The following MANBA variants were observed in gnomAD, a reference collection of about 807,000 sequenced individuals.
The protein encoded by MANBA is beta-mannosidase.
In MANBA, 83 loss-of-function variants were observed where a neutral mutation model predicts 111.1. That is an observed-to-expected ratio of 0.75 (90% CI 0.63 to 0.90). MANBA has a LOEUF of 0.90. Ranked by LOEUF, MANBA falls within the 40% of genes least tolerant of loss-of-function variation. MANBA has a pLI of 0.00. For missense variants in MANBA, 1,036 were observed against 1,069.0 expected, an observed-to-expected ratio of 0.97 and a Z score of 0.43; for synonymous variants, 370 against 378.7, an observed-to-expected ratio of 0.98 and a Z score of 0.27.
In MANBA at chr4:102,723,011, C is replaced by T. The variant is rs763126091; in HGVS notation, c.409G>A (p.Val137Met). ...TGGAAACGCAGCTCAATGGAGTTCA[C>T]GTCCCTGACCACGTTGGTAATATCA... ...SFDITNVVRD[V>M]NSIELRFQSA... The change falls in exon 4 of 17, where the codon GTG becomes ATG. Residue 137 changes from valine (V) to methionine (M), a missense_variant. Transcript: ENST00000647097. The T allele has an allele frequency of 9.3e-6, 15 of 1,613,938 alleles. No homozygotes were observed. The highest frequency in any genetic ancestry group is 1.3e-5 in the Non-Finnish European group (15 of 1,179,968).
chr4:102,727,874 T>C, intron 1 of MANBA: 1 of 560,604 alleles, frequency 1.8e-6, no homozygotes, highest in South Asian at 1.7e-5. Flanking sequence ...AAAAGCCCCT[T>C]GTGAAGGGGC....
chr4:102,707,313 A>G (rs928739433), intron 5 of MANBA, among the ~76,000 whole-genome samples: 39 of 152,212 alleles, frequency 2.6e-4, no homozygotes, highest in African/African-American at 8.9e-4. Flanking sequence ...GCTCCCAGCC[A>G]AGGATGCCAT....
intron 1 of MANBA, chr4:102,728,799 C>T (rs1330322360): frequency 4.3e-6 from 4 of 925,252 alleles, no homozygotes; most frequent in East Asian, 2.6e-5. Flanking sequence ...TCATGGGTCT[C>T]GATCTTCTTC....
At chr4:102,707,885 T>G (rs1218159106) in intron 5 of MANBA, among the ~76,000 whole-genome samples, 1 of 151,898 alleles carries the variant, frequency 6.6e-6, no homozygotes, top group Non-Finnish European at 1.5e-5. Flanking sequence ...AAAACAAAGT[T>G]TAAGTCAAAA....
intron 5 of MANBA, among the ~76,000 whole-genome samples, chr4:102,694,421 C>T (rs1034395794): frequency 6.6e-6 from 1 of 152,138 alleles, no homozygotes; most frequent in African/African-American, 2.4e-5. Context: ...TCTTTGGTCA[C>T]TCCTTTTCAC....
intron 11 of MANBA, among the ~76,000 whole-genome samples, chr4:102,664,253 G>C (rs1452449955): frequency 1.3e-5 from 2 of 152,072 alleles, no homozygotes; most frequent in African/African-American, 4.8e-5. Flanking sequence ...ACTACAATGG[G>C]ATACCCTGTA....
chr4:102,695,644 C>G (rs1732672666), intron 5 of MANBA, among the ~76,000 whole-genome samples: 1 of 152,162 alleles, frequency 6.6e-6, no homozygotes. Flanking sequence ...GCCCTGACTG[C>G]AGCACTTCCC....
intron 10 of MANBA, chr4:102,667,706 G>A (rs182982804): frequency 4.6e-4 from 70 of 152,258 alleles, no homozygotes; most frequent in Admixed American, 9.8e-4. Flanking sequence ...CACCATTCAA[G>A]AAGAAATATC....
At position 102,752,623 on chromosome 4, in the gene MANBA, T is replaced by C. The variant is rs916839696; in HGVS notation, c.177+8095A>G. ...ATTCCTACAGATATTCACCTACCAC[T>C]TTCCATGTGGGGGCATGAAAGTGAA... On this transcript the variant is annotated intron_variant, in intron 1 of 16. Transcript: ENST00000647097. 6.7e-6 allele frequency: 4 copies of C among 594,892 alleles called. No individual in the cohort carries two copies. The African/African-American group carries it at 7.4e-5, about 11-fold the overall frequency. The allele number at this position is 594,892 out of a possible 1,614,324, so 36.9% of individuals were successfully genotyped here.
intron 13 of MANBA, among the ~76,000 whole-genome samples, chr4:102,645,314 G>A (rs1730055513): frequency 1.3e-5 from 2 of 152,032 alleles, no homozygotes; most frequent in Admixed American, 1.3e-4. Flanking sequence ...ATATGAGTCT[G>A]TAGGTTGCTT....
intron 5 of MANBA, among the ~76,000 whole-genome samples, chr4:102,698,756 G>C (rs1480152091): frequency 2.0e-5 from 3 of 151,566 alleles, no homozygotes; most frequent in Non-Finnish European, 4.4e-5. Context: ...TTTGGTTACT[G>C]TAGCCTTGTA....
Position 102,698,615 on chromosome 4 carries a change from T to A in MANBA, c.674-7844A>T, listed in dbSNP as rs553056174. On this transcript the variant is annotated intron_variant, in intron 5 of 16. Coordinates refer to ENST00000647097, the MANE Select transcript of MANBA (RefSeq NM_005908.4). ...CCAGCACCATTTATTGAATAGGGAA[T>A]CCTTTCCCCATTGCTTGTTTTTCTC... is the stretch of plus-strand genomic sequence containing the variant. Among the ~76,000 whole-genome samples the A allele has an allele frequency of 4.2e-3, 641 of 151,398 alleles. 14 individuals are homozygous for A. The highest frequency in any genetic ancestry group is 0.015 in the African/African-American group (615 of 40,896).
At chr4:102,671,529 A>T (rs886782496) in intron 8 of MANBA, 131 bp from the exon 9 acceptor site, 19 of 674,618 alleles carry the variant, frequency 2.8e-5, no homozygotes, top group Non-Finnish European at 4.3e-5. Flanking sequence ...TGTAAATTAA[A>T]GAAAGTAAGA....
chr4:102,676,583 A>G (rs1009929034), intron 7 of MANBA, among the ~76,000 whole-genome samples: 13 of 152,140 alleles, frequency 8.5e-5, no homozygotes, highest in African/African-American at 2.4e-4. Context: ...CTGATATCTC[A>G]TCTGAAATAA....
chr4:102,732,473 C>CA (rs1723066023), intron 1 of MANBA, among the ~76,000 whole-genome samples: 1 of 152,156 alleles, frequency 6.6e-6, no homozygotes, highest in Non-Finnish European at 1.5e-5. Flanking sequence ...TGGCAATGGC[C>CA]AGTTAGGCAG....
chr4:102,635,030 A>G lies in MANBA; in HGVS notation c.2173T>C (p.Trp725Arg). 5.0e-6 allele frequency: 8 copies of G among 1,614,160 alleles called. No individual in the cohort carries two copies. Among genetic ancestry groups the G allele is most frequent in the Non-Finnish European group, 6.8e-6 (8 of 1,179,978 alleles). ...SMTLSVRVHT[W>R]SSLEPVCSRV... ...GAGCACACGGGCTCCAGGGAGCTCC[A>G]TGTATGGACTCTCACCTGGGGAGAA... Residue 725 changes from tryptophan to arginine, a missense_variant, in exon 16 of 17, where the codon TGG becomes CGG. By Grantham distance (101) the Trp-to-Arg change is moderately radical. Coordinates refer to ENST00000647097, the MANE Select transcript of MANBA (RefSeq NM_005908.4).
At chr4:102,715,674 G>T (rs768656375) in intron 4 of MANBA, among the ~76,000 whole-genome samples, 2 of 152,114 alleles carry the variant, frequency 1.3e-5, no homozygotes, top group Non-Finnish European at 2.9e-5. Context: ...AGGCCCCAGG[G>T]TGTGTTGTTC....
chr4:102,638,913 T>C (rs1729747731), intron 14 of MANBA, among the ~76,000 whole-genome samples: 1 of 152,122 alleles, frequency 6.6e-6, no homozygotes, highest in Non-Finnish European at 1.5e-5. Context: ...CAAGACTCTG[T>C]CTCAAAAAAA....
intron 14 of MANBA, 115 bp downstream of exon 14, chr4:102,639,598 T>A: frequency 1.4e-6 from 2 of 1,395,822 alleles, no homozygotes; most frequent in South Asian, 1.2e-5. Context: ...AGAATGACTC[T>A]TTTGGTCATA....
Sources: allele counts gnomAD v4.1 joint callset (sites outside exome capture counted in the v4.1 genomes callset), GRCh38; gene constraint gnomAD v4.1.1; transcripts MANE v1.5; gene names NCBI Gene and HGNC (gene_info 2026-07-23, HGNC 2026-07-21).